Variants in PDE6D observed in about 807,000 individuals in gnomAD.
PDE6D encodes phosphodiesterase 6D.
PDE6D carries 10 observed loss-of-function variants against 21.9 expected under a neutral mutation model. That is an observed-to-expected ratio of 0.46 (90% CI 0.28 to 0.78). The LOEUF is 0.78. Ranked by LOEUF, PDE6D falls within the 30% of genes least tolerant of loss-of-function variation. The pLI is 0.12. For synonymous variants in PDE6D, 59 were observed against 63.5 expected, an observed-to-expected ratio of 0.93 and a Z score of 0.34; for missense variants, 139 against 184.8, an observed-to-expected ratio of 0.75 and a Z score of 1.44.
chr2:231,778,243 G>A (rs1045266847), intron 1 of PDE6D, among the ~76,000 whole-genome samples: 30 of 152,120 alleles, frequency 2.0e-4, no homozygotes, highest in African/African-American at 6.8e-4. Flanking sequence ...TCCAACTTGG[G>A]CAACAGACCA....
At chr2:231,758,763 T>C (rs1352406833) in intron 1 of PDE6D, among the ~76,000 whole-genome samples, 2 of 152,204 alleles carry the variant, frequency 1.3e-5, no homozygotes, top group African/African-American at 4.8e-5. Flanking sequence ...ACCAGTCATC[T>C]GGAGATCTTG....
chr2:231,737,355 G>T, intron 3 of PDE6D, 63 bp from the exon 4 acceptor site: 1 of 836,588 alleles, frequency 1.2e-6, no homozygotes, highest in Non-Finnish European at 2.0e-6. Context: ...AGGGCTCTTT[G>T]TCTCCCTCTC....
chr2:231,739,038 T>C lies in PDE6D; in HGVS notation c.139+62A>G. ...TAGGTATGTGTTAACTTAGCTCTCT[T>C]ATGCTCAGGTGCTAGTCTGGCATTG... On this transcript the variant is annotated intron_variant, in intron 2 of 4. Coordinates refer to ENST00000287600, the MANE Select transcript of PDE6D (RefSeq NM_002601.4). The surrounding 1 kb of genome is among the most constrained non-coding windows in gnomAD (Gnocchi z 4.2). 1 of 1,048,820 alleles carries C rather than the reference T, an allele frequency of 9.5e-7. No homozygotes were observed. Among genetic ancestry groups the C allele is most frequent in the South Asian group, 1.3e-5 (1 of 77,314 alleles). 65.0% of individuals were successfully genotyped at this position (1,048,820 alleles called of 1,614,324 possible). A position where few individuals can be genotyped will look rare whatever the true frequency, so the allele number is the denominator to read the frequency against.
At chr2:231,775,785 C>T (rs949776778) in intron 1 of PDE6D, among the ~76,000 whole-genome samples, 1 of 151,706 alleles carries the variant, frequency 6.6e-6, no homozygotes, top group Non-Finnish European at 1.5e-5. Flanking sequence ...ATTATAATAT[C>T]TGACGTATAA....
chr2:231,754,947 A>G (rs2048871223), intron 1 of PDE6D, among the ~76,000 whole-genome samples: 1 of 152,122 alleles, frequency 6.6e-6, no homozygotes, highest in Admixed American at 6.5e-5. Context: ...AAATTCATAC[A>G]TTGAAATCCT....
rs1445946931 is a variant in PDE6D, at chr2:231,739,983, A to T, written c.51-795T>A. Among the ~76,000 whole-genome samples, 1 of 152,150 alleles carries T rather than the reference A, an allele frequency of 6.6e-6. No homozygotes were observed. Among genetic ancestry groups the T allele is most frequent in the Non-Finnish European group, 1.5e-5 (1 of 68,040 alleles). On this transcript the variant is annotated intron_variant, in intron 1 of 4. Transcript: ENST00000287600. The surrounding 1 kb of genome is among the most constrained non-coding windows in gnomAD (Gnocchi z 4.2). ...TGAAAGACAGACCAAAACAAACTAAAAGAAAAAAGTAACTTAGAAGAATAA... is the reference window on the plus strand; with the variant it reads ...TGAAAGACAGACCAAAACAAACTAATAGAAAAAAGTAACTTAGAAGAATAA...
intron 1 of PDE6D, among the ~76,000 whole-genome samples, chr2:231,741,389 A>G (rs1338176065): frequency 6.6e-6 from 1 of 152,146 alleles, no homozygotes; most frequent in Non-Finnish European, 1.5e-5. Context: ...TTAAGAAACT[A>G]AGGAAAATAT....
intron 4 of PDE6D, among the ~76,000 whole-genome samples, chr2:231,733,759 T>C (rs956086116): frequency 6.6e-6 from 1 of 152,020 alleles, no homozygotes; most frequent in Non-Finnish European, 1.5e-5. Flanking sequence ...GACTTACAAC[T>C]ACAGAACACT....
chr2:231,752,669 C>T (rs1372481993), intron 1 of PDE6D, among the ~76,000 whole-genome samples: 3 of 151,980 alleles, frequency 2.0e-5, no homozygotes, highest in South Asian at 2.1e-4. Flanking sequence ...CCTGGAAAAC[C>T]TGCTGCAATC....
At position 231,739,206 on chromosome 2, in the gene PDE6D, AG is replaced by A. The variant is rs775989192; in HGVS notation, c.51-19del. On this transcript the variant is annotated intron_variant, in intron 1 of 4. Transcript: ENST00000287600. This position sits in a 1 kb window ranked among gnomAD's most constrained non-coding sequence, Gnocchi z 4.2. ...TCCAATTTCTGATCAAATATGACTA[AG>A]GAAAAATAAGGCACTGAAAGTGACT... The A allele has an allele frequency of 2.7e-6, 4 of 1,473,900 alleles. No individual in the cohort carries two copies. In the Admixed American group the frequency reaches 6.7e-5, roughly 25 times the overall value. The allele number at this position is 1,473,900 out of a possible 1,614,324, so 91.3% of individuals were successfully genotyped here.
intron 1 of PDE6D, among the ~76,000 whole-genome samples, chr2:231,769,029 C>T (rs902634820): frequency 4.6e-5 from 7 of 152,158 alleles, no homozygotes; most frequent in Admixed American, 2.0e-4. Context: ...CTACCACGCC[C>T]GGCTCATTTT....
At chr2:231,774,943 C>T (rs2049043040) in intron 1 of PDE6D, among the ~76,000 whole-genome samples, 1 of 148,558 alleles carries the variant, frequency 6.7e-6, no homozygotes, top group Non-Finnish European at 1.5e-5. Context: ...GACAGAGTCT[C>T]ACTCTGTAGC....
intron 1 of PDE6D, among the ~76,000 whole-genome samples, chr2:231,760,132 C>T (rs2048914670): frequency 6.6e-6 from 1 of 152,114 alleles, no homozygotes; most frequent in African/African-American, 2.4e-5. Context: ...ATCAGCTGGT[C>T]CTTATCAAAT....
At chr2:231,769,094 C>T (rs1032301661) in intron 1 of PDE6D, among the ~76,000 whole-genome samples, 1 of 152,118 alleles carries the variant, frequency 6.6e-6, no homozygotes, top group Non-Finnish European at 1.5e-5. Context: ...GTCTCGAACT[C>T]CTGACCTCAT....
chr2:231,735,807 C>T (rs946639165), intron 4 of PDE6D, among the ~76,000 whole-genome samples: 23 of 151,402 alleles, frequency 1.5e-4, no homozygotes, highest in Admixed American at 4.0e-4. Context: ...GTGGATCACC[C>T]GAGGTTAGGA....
intron 1 of PDE6D, among the ~76,000 whole-genome samples, chr2:231,745,325 T>C (rs547024385): frequency 6.6e-6 from 1 of 152,314 alleles, no homozygotes; most frequent in East Asian, 1.9e-4. Context: ...ATATTTGTTT[T>C]AACAGCTTAC....
chr2:231,765,410 C>A (rs947923934), intron 1 of PDE6D, among the ~76,000 whole-genome samples: 2 of 152,146 alleles, frequency 1.3e-5, no homozygotes, highest in African/African-American at 2.4e-5. Flanking sequence ...AGTCAGTCAG[C>A]TGAATTGCAA....
chr2:231,737,928 A>C (rs976448912), intron 3 of PDE6D, 85 bp downstream of exon 3: 1 of 1,267,568 alleles, frequency 7.9e-7, no homozygotes, highest in African/African-American at 1.5e-5. Flanking sequence ...ATGTTATCAA[A>C]GCACTGCTTT....
At chr2:231,745,046 C>T (rs838447) in intron 1 of PDE6D, among the ~76,000 whole-genome samples, 68,629 of 151,864 alleles carry the variant, frequency 0.45, 18,848 homozygotes, top group African/African-American at 0.78. Context: ...GCCCTTAGTT[C>T]ATGGTAGAAA....
Sources: gnomAD v4.1 joint callset for allele counts (sites outside exome capture counted in the v4.1 genomes callset) on GRCh38, gnomAD v4.1.1 for gene constraint, Gnocchi (gnomAD v3.1) non-coding constraint, MANE v1.5 for transcripts, NCBI Gene and HGNC (gene_info 2026-07-23, HGNC 2026-07-21) for gene names.